The following SND1 variants were observed in gnomAD, a reference collection of about 807,000 sequenced individuals.
SND1 encodes the protein staphylococcal nuclease and tudor domain containing 1.
A neutral mutation model predicts 121.7 loss-of-function variants in SND1; 38 were observed. The observed-to-expected ratio is 0.31, with a 90% CI of 0.24 to 0.41. SND1 has a LOEUF of 0.41. SND1 is among the 10% of genes least tolerant of loss of function. SND1 has a pLI of 1.00. For synonymous variants in SND1, 401 were observed against 447.4 expected (o/e 0.90, Z 1.31); for missense variants, 868 against 1,184.6 (o/e 0.73, Z 3.92).
intron 16 of SND1, among the ~76,000 whole-genome samples, chr7:128,026,622 A>G (rs955407879): frequency 6.6e-6 from 1 of 152,238 alleles, no homozygotes; most frequent in Non-Finnish European, 1.5e-5. Context: ...AACAGAAGCA[A>G]CACTGCCTGT....
At chr7:127,941,334 T>G (rs1342083512) in intron 15 of SND1, among the ~76,000 whole-genome samples, 1 of 152,214 alleles carries the variant, frequency 6.6e-6, no homozygotes, top group Non-Finnish European at 1.5e-5. Context: ...AAACTTTCTA[T>G]TCAAGCTTTC....
intron 22 of SND1, 27 bp from the exon 23 acceptor site, chr7:128,091,810 A>T: frequency 6.2e-7 from 1 of 1,613,360 alleles, no homozygotes; most frequent in Non-Finnish European, 8.5e-7. Context: ...AACTCTGACC[A>T]CTCCCTTTCT....
intron 16 of SND1, chr7:128,030,028 T>A: frequency 6.2e-7 from 1 of 1,613,190 alleles, no homozygotes; most frequent in South Asian, 1.1e-5. Flanking sequence ...ATGTTGCACA[T>A]GCCCAAGTTC....
Position 128,092,148 on chromosome 7 carries a change from G to C in SND1, c.*90G>C. 7 of 1,371,018 alleles carry C rather than the reference G, an allele frequency of 5.1e-6. No individual in the cohort carries two copies. The Middle Eastern group carries it at 5.4e-4, about 107-fold the overall frequency. The allele number at this position is 1,371,018 out of a possible 1,614,324, so 84.9% of individuals were successfully genotyped here. ...GTTTTCAACTCCAAACCCCAGAGAGGGGTTGTAGATTGGGTCCAGCTTTGC... is the reference window on the plus strand; with the variant it reads ...GTTTTCAACTCCAAACCCCAGAGAGCGGTTGTAGATTGGGTCCAGCTTTGC... On this transcript the variant is annotated 3_prime_UTR_variant, in exon 24 of 24. Transcript: ENST00000354725. The surrounding 1 kb of genome is among the most constrained non-coding windows in gnomAD (Gnocchi z 4.9).
intron 16 of SND1, among the ~76,000 whole-genome samples, chr7:127,994,543 T>C (rs569802560): frequency 2.1e-5 from 2 of 94,836 alleles, no homozygotes; most frequent in Admixed American, 2.7e-4. Flanking sequence ...GACGATCACT[T>C]TTACTCAAAA....
intron 10 of SND1, among the ~76,000 whole-genome samples, chr7:127,790,207 G>C (rs1018781510): frequency 6.6e-6 from 1 of 152,156 alleles, no homozygotes. Flanking sequence ...CAGCATCCTT[G>C]TCATCGAGTG....
intron 10 of SND1, among the ~76,000 whole-genome samples, chr7:127,747,961 C>A (rs1797010736): frequency 6.6e-6 from 1 of 152,070 alleles, no homozygotes; most frequent in South Asian, 2.1e-4. Flanking sequence ...GTCAATGTTC[C>A]CCCTTCCCAC....
At chr7:127,804,772 G>T (rs1016070230) in intron 10 of SND1, among the ~76,000 whole-genome samples, 4 of 152,072 alleles carry the variant, frequency 2.6e-5, no homozygotes, top group African/African-American at 9.7e-5. Context: ...TAAGTTGCAG[G>T]ATTTTGGGTT....
intron 13 of SND1, among the ~76,000 whole-genome samples, chr7:127,898,506 C>T (rs3757771): frequency 0.26 from 38,902 of 151,970 alleles, 6,271 homozygotes; most frequent in East Asian, 0.67. Context: ...AGGAGAAAGG[C>T]CGAAGGAATT....
intron 16 of SND1, among the ~76,000 whole-genome samples, chr7:128,014,132 T>C (rs1803173782): frequency 6.6e-6 from 1 of 152,180 alleles, no homozygotes. Context: ...AAGTTACTCC[T>C]CCTGAACCTG....
chr7:127,996,556 A>C (rs1802662189), intron 16 of SND1, among the ~76,000 whole-genome samples: 1 of 152,160 alleles, frequency 6.6e-6, no homozygotes, highest in Non-Finnish European at 1.5e-5. Context: ...TCTGGATCAA[A>C]GGAATGAGGA....
At chr7:127,740,682 G>T (rs974249140) in intron 10 of SND1, among the ~76,000 whole-genome samples, 20 of 152,290 alleles carry the variant, frequency 1.3e-4, no homozygotes, top group Admixed American at 1.2e-3. Context: ...TTCCAAGGGG[G>T]TGGGGGGTGG....
intron 16 of SND1, chr7:128,008,232 C>T (rs1803030662): frequency 6.6e-6 from 1 of 152,170 alleles, no homozygotes; most frequent in African/African-American, 2.4e-5. Flanking sequence ...GGGCTTTGGC[C>T]TTCTGTAAGG....
intron 11 of SND1, among the ~76,000 whole-genome samples, chr7:127,834,863 C>A (rs533674040): frequency 2.6e-5 from 4 of 152,100 alleles, no homozygotes; most frequent in Non-Finnish European, 4.4e-5. Context: ...CATATATTTT[C>A]CTTGTCTGAG....
intron 1 of SND1, among the ~76,000 whole-genome samples, chr7:127,652,935 C>T (rs1245792797): frequency 3.9e-5 from 6 of 152,194 alleles, no homozygotes; most frequent in Middle Eastern, 3.4e-3. Flanking sequence ...GCCCTCTTTT[C>T]CTCTCTTTCC....
chr7:127,794,391 G>T (rs539397487), intron 10 of SND1, among the ~76,000 whole-genome samples: 3 of 152,140 alleles, frequency 2.0e-5, no homozygotes, highest in Non-Finnish European at 4.4e-5. Flanking sequence ...CTGGAAATCT[G>T]GCTCAGTTGA....
chr7:127,986,003 A>G (rs1211200238), intron 15 of SND1, among the ~76,000 whole-genome samples: 2 of 152,190 alleles, frequency 1.3e-5, no homozygotes, highest in African/African-American at 2.4e-5. Context: ...GCCACTGGGA[A>G]GCTGTCACAT....
At chr7:127,661,308 C>T (rs1795306627) in intron 1 of SND1, among the ~76,000 whole-genome samples, 1 of 152,180 alleles carries the variant, frequency 6.6e-6, no homozygotes, top group African/African-American at 2.4e-5. Context: ...CTCATTTTAA[C>T]ACTCATCTGC....
At chr7:127,795,959 G>A (rs1258207897) in intron 10 of SND1, among the ~76,000 whole-genome samples, 2 of 151,970 alleles carry the variant, frequency 1.3e-5, no homozygotes, top group African/African-American at 2.4e-5. Context: ...CCGGGTTCAC[G>A]CCATTGTCCT....
Sources: gnomAD v4.1 joint callset for allele counts (sites outside exome capture counted in the v4.1 genomes callset) on GRCh38, gnomAD v4.1.1 for gene constraint, Gnocchi (gnomAD v3.1) non-coding constraint, MANE v1.5 for transcripts, NCBI Gene and HGNC (gene_info 2026-07-23, HGNC 2026-07-21) for gene names.